The following RSPO1 variants were observed in gnomAD, a reference collection of about 807,000 sequenced individuals.
RSPO1 encodes R-spondin-1.
In RSPO1, 18 loss-of-function variants were observed where a neutral mutation model predicts 26.0. The ratio of observed to expected loss-of-function variants is 0.69; its 90% CI spans 0.48 to 1.03. The LOEUF (loss-of-function observed/expected upper bound fraction) is 1.03. Ranked by LOEUF, RSPO1 falls within the 50% of genes least tolerant of loss-of-function variation. RSPO1 has a pLI of 0.00. For missense variants in RSPO1, 309 were observed against 352.3 expected (o/e 0.88, Z 0.98); for synonymous variants, 133 against 137.4 (o/e 0.97, Z 0.22).
chr1:37,620,903 G>A (rs893838657), intron 3 of RSPO1, among the ~76,000 whole-genome samples: 10 of 152,194 alleles, frequency 6.6e-5, no homozygotes, highest in Admixed American at 1.3e-4. Context: ...ACATGAATGC[G>A]CCCTCTAGGT....
intron 3 of RSPO1, among the ~76,000 whole-genome samples, chr1:37,628,944 C>T (rs114311001): frequency 3.9e-4 from 60 of 152,360 alleles, no homozygotes; most frequent in African/African-American, 1.4e-3. Flanking sequence ...AAAAGTGAGA[C>T]TGCTCTGGTT....
Position 37,613,607 on chromosome 1 carries a change from G to A in RSPO1, c.625+97C>T. ...GTGCCCCATCTGGCCTTGCCCTGAA[G>A]CTTCTTCCTGAGCCGTGGGCAGGAA... On this transcript the variant is annotated intron_variant, in intron 6 of 6. Transcript: ENST00000356545. The surrounding 1 kb of genome is among the most constrained non-coding windows in gnomAD (Gnocchi z 4.5). The A allele has an allele frequency of 9.2e-7, 1 of 1,083,818 alleles. No homozygotes were observed. Among genetic ancestry groups the A allele is most frequent in the Admixed American group, 1.9e-5 (1 of 51,372 alleles). The allele number at this position is 1,083,818 out of a possible 1,614,324, so 67.1% of individuals were successfully genotyped here.
rs751284640 is a variant in RSPO1 at position 37,613,857 on chromosome 1, G to T, written c.472C>A (p.Pro158Thr). 4 of 1,614,070 alleles carry T rather than the reference G, an allele frequency of 2.5e-6. No homozygotes were observed. The Admixed American group carries it at 5.0e-5, about 20-fold the overall frequency. ...CAGAGCTGCTGCTTCTTGGAGCAGG[G>T]CCCCCACGGAGACCACTCGCTCATT... is the stretch of plus-strand genomic sequence containing the variant. Reference protein sequence around the residue: ...CEMSEWSPWGPCSKKQQLCGF... With the variant: ...CEMSEWSPWGTCSKKQQLCGF... The change falls in exon 6 of 7, where the codon CCC becomes ACC. Residue 158 changes from proline to threonine, a missense_variant. By Grantham distance (38) the Pro-to-Thr change is conservative. Transcript: ENST00000356545. The surrounding 1 kb of genome is among the most constrained non-coding windows in gnomAD (Gnocchi z 4.5).
In RSPO1 at chr1:37,616,464, A is replaced by G. The variant is rs773774772; in HGVS notation, c.286+20T>C. On this transcript the variant is annotated intron_variant, in intron 4 of 6. Coordinates refer to ENST00000356545, the MANE Select transcript of RSPO1 (RefSeq NM_001242908.2). ...GAGCTTCTAATGCCCCCTGCCCCCGACAGCCCTGCCCACACTCACTGATGC... is the reference window on the plus strand; with the variant it reads ...GAGCTTCTAATGCCCCCTGCCCCCGGCAGCCCTGCCCACACTCACTGATGC... 1 of 1,612,964 alleles carries G rather than the reference A, an allele frequency of 6.2e-7. No homozygotes were observed. The highest frequency in any genetic ancestry group is 1.7e-5 in the Admixed American group (1 of 60,022).
At chr1:37,620,019 G>T (rs1644177009) in intron 3 of RSPO1, among the ~76,000 whole-genome samples, 2 of 152,124 alleles carry the variant, frequency 1.3e-5, no homozygotes, top group South Asian at 4.1e-4. Context: ...AAAGTGCTGA[G>T]ATTACAGGCG....
intron 3 of RSPO1, among the ~76,000 whole-genome samples, chr1:37,622,780 G>A (rs181068825): frequency 6.6e-6 from 1 of 152,316 alleles, no homozygotes; most frequent in East Asian, 1.9e-4. Context: ...AGTGATCATT[G>A]ATTAGGTGAC....
Position 37,634,069 on chromosome 1 carries a change from C to T in RSPO1, c.-356+497G>A, listed in dbSNP as rs1215681113. On this transcript the variant is annotated intron_variant, in intron 1 of 6. Transcript: ENST00000356545. This position sits in a 1 kb window ranked among gnomAD's most constrained non-coding sequence, Gnocchi z 4.7. ...TACCATCGGTTCCTGAGCGCCAGAC[C>T]CCGAGGGCCAGGGAGCCGCGCCACT... 2.0e-5 allele frequency among the ~76,000 whole-genome samples: 3 copies of T among 152,168 alleles called. No homozygotes were observed. The highest frequency in any genetic ancestry group is 4.4e-5 in the Non-Finnish European group (3 of 68,032).
chr1:37,622,989 A>G (rs1189055065), intron 3 of RSPO1, among the ~76,000 whole-genome samples: 23 of 151,990 alleles, frequency 1.5e-4, no homozygotes, highest in Admixed American at 1.5e-3. Flanking sequence ...ACATTGATGG[A>G]GTAGAGACCC....
In RSPO1 at chr1:37,613,728, C is replaced by G. The variant is rs763727317; in HGVS notation, c.601G>C (p.Val201Leu). ...SDTKETRRCTVRRVPCPEGQK... is the reference protein window; with the variant it reads ...SDTKETRRCTLRRVPCPEGQK... ...CCCTCAGGACACGGCACTCTCCTCA[C>G]TGTGCACCTCCGGGTCTCCTTGGTG... is the stretch of plus-strand genomic sequence containing the variant. Residue 201 changes from valine to leucine, a missense_variant, in exon 6 of 7, where the codon GTG becomes CTG. Physicochemically the swap from Val to Leu is conservative, Grantham distance 32 (BLOSUM62 1). Coordinates refer to ENST00000356545, the MANE Select transcript of RSPO1 (RefSeq NM_001242908.2). The surrounding 1 kb of genome is among the most constrained non-coding windows in gnomAD (Gnocchi z 4.5). The G allele has an allele frequency of 1.2e-6, 2 of 1,613,820 alleles. No individual in the cohort carries two copies. The highest frequency in any genetic ancestry group is 2.2e-5 in the South Asian group (2 of 91,086).
intron 3 of RSPO1, among the ~76,000 whole-genome samples, chr1:37,621,850 A>G (rs1644208335): frequency 6.8e-6 from 1 of 146,376 alleles, no homozygotes; most frequent in Non-Finnish European, 1.5e-5. Flanking sequence ...TGCCCAGGCT[A>G]GACTGCAGTG....
At position 37,613,832 on chromosome 1, in the gene RSPO1, C is replaced by T; in HGVS notation, c.497G>A (p.Cys166Tyr). The T allele has an allele frequency of 1.2e-6, 2 of 1,614,116 alleles. No homozygotes were observed. The highest frequency in any genetic ancestry group is 1.1e-5 in the South Asian group (1 of 91,088). The change falls in exon 6 of 7, where the codon TGT becomes TAT. Residue 166 changes from cysteine to tyrosine, a missense_variant. Transcript: ENST00000356545. This position sits in a 1 kb window ranked among gnomAD's most constrained non-coding sequence, Gnocchi z 4.5. The part of the protein sequence containing the change: ...WGPCSKKQQL[C>Y]GFRRGSEERT... ...CTCCTCGGAGCCCCTCCGGAAACCACAGAGCTGCTGCTTCTTGGAGCAGGG... is the reference window on the plus strand; with the variant it reads ...CTCCTCGGAGCCCCTCCGGAAACCATAGAGCTGCTGCTTCTTGGAGCAGGG...
Position 37,612,643 on chromosome 1 carries a change from G to T in RSPO1, c.*112C>A, listed in dbSNP as rs961929825. On this transcript the variant is annotated 3_prime_UTR_variant, in exon 7 of 7. Transcript: ENST00000356545. Reference sequence around the variant, plus strand: ...TCTTGTGTCTATGTATGCATGGATGGATTGGAGTGTGTGTGTATGCTTTGC... The same window carrying T: ...TCTTGTGTCTATGTATGCATGGATGTATTGGAGTGTGTGTGTATGCTTTGC... The T allele has an allele frequency of 4.5e-6, 5 of 1,107,506 alleles. No individual in the cohort carries two copies. In the African/African-American group the frequency reaches 4.6e-5, roughly 10 times the overall value. 68.6% of individuals were successfully genotyped at this position (1,107,506 alleles called of 1,614,324 possible). A position where few individuals can be genotyped will look rare whatever the true frequency, so the allele number is the denominator to read the frequency against.
At chr1:37,633,670 G>A (rs980428709) in intron 1 of RSPO1, among the ~76,000 whole-genome samples, 1 of 140,842 alleles carries the variant, frequency 7.1e-6, no homozygotes, top group Admixed American at 7.0e-5. Context: ...CGGGCGGGGG[G>A]CGGGACAAAG....
chr1:37,631,713 G>A (rs1644363621), intron 2 of RSPO1: 1 of 152,218 alleles, frequency 6.6e-6, no homozygotes. Context: ...TGCTTAGAAT[G>A]GTGCTGGCAC....
At chr1:37,627,294 C>T (rs1472349922) in intron 3 of RSPO1, among the ~76,000 whole-genome samples, 1 of 152,118 alleles carries the variant, frequency 6.6e-6, no homozygotes, top group Admixed American at 6.5e-5. Context: ...TTCTTCCCTT[C>T]CCTACTCCCC....
chr1:37,615,112 G>A (rs1217405031), intron 4 of RSPO1, among the ~76,000 whole-genome samples: 4 of 152,158 alleles, frequency 2.6e-5, no homozygotes, highest in African/African-American at 9.7e-5. Flanking sequence ...CATGCTGCCA[G>A]TTTCCTAGGA....
Position 37,621,510 on chromosome 1 carries a change from T to C in RSPO1, c.95-4835A>G, listed in dbSNP as rs921307230. ...AGGGTCAACAAGACAGGGTGATGCA[T>C]TCAACAAGAGGGGGTGAGGGGCAGG... On this transcript the variant is annotated intron_variant, in intron 3 of 6. Coordinates refer to ENST00000356545, the MANE Select transcript of RSPO1 (RefSeq NM_001242908.2). Among the ~76,000 whole-genome samples, 6 of 151,992 alleles carry C rather than the reference T, an allele frequency of 3.9e-5. No individual in the cohort carries two copies. The East Asian group carries it at 1.2e-3, about 30-fold the overall frequency.
chr1:37,630,705 A>T (rs555964000), intron 2 of RSPO1, among the ~76,000 whole-genome samples: 1 of 152,330 alleles, frequency 6.6e-6, no homozygotes, highest in Admixed American at 6.5e-5. Flanking sequence ...GTGTCTGGGA[A>T]GTTGGACATC....
At chr1:37,629,988 C>T in intron 2 of RSPO1, 39 bp from the exon 3 acceptor site, 1 of 892,182 alleles carries the variant, frequency 1.1e-6, no homozygotes, top group Admixed American at 2.0e-5. Flanking sequence ...TTCTGTAGTA[C>T]CATGAACACT....
Sources: gnomAD v4.1 joint callset for allele counts (sites outside exome capture counted in the v4.1 genomes callset) on GRCh38, gnomAD v4.1.1 for gene constraint, Gnocchi (gnomAD v3.1) non-coding constraint, MANE v1.5 for transcripts, NCBI Gene and HGNC (gene_info 2026-07-23, HGNC 2026-07-21) for gene names.